The following PAX5 variants were observed in gnomAD, a reference collection of about 807,000 sequenced individuals.
PAX5 encodes paired box protein Pax-5.
In PAX5, 9 loss-of-function variants were observed where a neutral mutation model predicts 43.7. The ratio of observed to expected loss-of-function variants is 0.21; its 90% CI spans 0.12 to 0.36. The LOEUF is 0.36. PAX5 is among the 10% of genes least tolerant of loss of function. The pLI, the probability that PAX5 is intolerant of heterozygous loss-of-function variation, is 1.00. For missense variants in PAX5, 383 were observed against 532.7 expected (o/e 0.72, Z 2.77); for synonymous variants, 228 against 214.3 (o/e 1.06, Z -0.56).
chr9:36,886,128 CTG>C (rs1826887920), intron 7 of PAX5, among the ~76,000 whole-genome samples: 2 of 152,286 alleles, frequency 1.3e-5, no homozygotes, highest in African/African-American at 4.8e-5. Context: ...TGGACCCAAA[CTG>C]TGACTGGAAC....
intron 6 of PAX5, among the ~76,000 whole-genome samples, chr9:36,929,064 G>A (rs1830892575): frequency 6.6e-6 from 1 of 152,182 alleles, no homozygotes; most frequent in East Asian, 1.9e-4. Flanking sequence ...CTGCCACAAT[G>A]ATCTTCCCCT....
intron 5 of PAX5, among the ~76,000 whole-genome samples, chr9:36,983,965 A>T (rs974841601): frequency 1.1e-4 from 16 of 152,372 alleles, no homozygotes; most frequent in Middle Eastern, 6.8e-3. Context: ...TGTGAAATAA[A>T]TGTACTTCCT....
Position 36,929,251 on chromosome 9 carries a change from AAGG to A in PAX5, c.781-5770_781-5768del, listed in dbSNP as rs1563978778. On this transcript the variant is annotated intron_variant, in intron 6 of 9. Transcript: ENST00000358127. ...GGAAGGAAGGAGGAAGGAAGGAAGG[AAGG>A]AAGGAAGGAAGGAAGGAAGGAAGGA... is the stretch of plus-strand genomic sequence containing the variant. Among the ~76,000 whole-genome samples the A allele has an allele frequency of 6.5e-3, 233 of 35,928 alleles. 1 individual carries two copies. Among genetic ancestry groups the A allele is most frequent in the Non-Finnish European group, 0.013 (203 of 15,964 alleles). 23.6% of individuals were successfully genotyped at this position (35,928 alleles called of 152,430 possible). A position where few individuals can be genotyped will look rare whatever the true frequency, so the allele number is the denominator to read the frequency against.
intron 3 of PAX5, among the ~76,000 whole-genome samples, chr9:37,011,863 G>A (rs975067286): frequency 1.3e-5 from 2 of 152,184 alleles, no homozygotes; most frequent in African/African-American, 2.4e-5. Flanking sequence ...TTGCCTCCAA[G>A]GGAGGCAAGG....
chr9:36,927,793 C>T (rs1356755371), intron 6 of PAX5, among the ~76,000 whole-genome samples: 1 of 151,900 alleles, frequency 6.6e-6, no homozygotes, highest in East Asian at 1.9e-4. Context: ...ACTGCAACCT[C>T]CGCCCCCCGG....
At position 36,996,697 on chromosome 9, in the gene PAX5, A is replaced by AG. The variant is rs754655428; in HGVS notation, c.604+5950dup. ...GGACCTGCCCATGTCAGAGGGGCCC[A>AG]GGGCCCCAGCACGGTCTGTGAGCTT... On this transcript the variant is annotated intron_variant, in intron 5 of 9. Transcript: ENST00000358127. Among the ~76,000 whole-genome samples, 527 of 152,352 alleles carry AG rather than the reference A, an allele frequency of 3.5e-3. 9 individuals carry two copies. Among genetic ancestry groups the AG allele is most frequent in the Non-Finnish European group, 1.5e-3 (99 of 68,020 alleles).
rs1340098919 is a variant in PAX5 at position 36,944,174 on chromosome 9, ACG to A, written c.781-20692_781-20691del. Among the ~76,000 whole-genome samples, 9 of 151,956 alleles carry A rather than the reference ACG, an allele frequency of 5.9e-5. No homozygotes were observed. The South Asian group carries it at 1.0e-3, about 17-fold the overall frequency. ...ACTCCAGCCTGGGTGACAAAAAGAG[ACG>A]CTGTCTCAAAAAAATAAAAGCTGAT... is the stretch of plus-strand genomic sequence containing the variant. On this transcript the variant is annotated intron_variant, in intron 6 of 9. Transcript: ENST00000358127.
chr9:37,002,921 G>A (rs1181357041), intron 4 of PAX5, 145 bp from the exon 5 acceptor site: 6 of 980,950 alleles, frequency 6.1e-6, no homozygotes, highest in Middle Eastern at 3.3e-4. Context: ...CTGCGGAGGC[G>A]GCCACACCTG....
intron 5 of PAX5, among the ~76,000 whole-genome samples, chr9:36,979,889 GAAACTGAGGCCCAGAAGGCAAT>G (rs983988122): frequency 2.0e-5 from 3 of 152,160 alleles, no homozygotes; most frequent in African/African-American, 4.8e-5. Flanking sequence ...GTGCAGCTTG[GAAACTGAGGCCCAGAAGGCAAT>G]AAACTGTTGC....
At position 36,833,871 on chromosome 9, in the gene PAX5, A is replaced by AC. The variant is rs1554759613; in HGVS notation, c.*6688_*6689insG. ...TGTTGGTTTTTTTGTATTTTTTTGT[A>AC]TTTTTTTTTTTTTACAAGTAAGCGT... On this transcript the variant is annotated 3_prime_UTR_variant, in exon 10 of 10. Coordinates refer to ENST00000358127, the MANE Select transcript of PAX5 (RefSeq NM_016734.3). 1.7e-4 allele frequency: 38 copies of AC among 217,772 alleles called. No individual in the cohort carries two copies. The highest frequency in any genetic ancestry group is 3.0e-4 in the Non-Finnish European group (33 of 111,164). 13.5% of individuals were successfully genotyped at this position (217,772 alleles called of 1,614,324 possible).
intron 8 of PAX5, among the ~76,000 whole-genome samples, chr9:36,869,910 G>A (rs1214167975): frequency 2.7e-5 from 4 of 146,408 alleles, no homozygotes; most frequent in African/African-American, 7.9e-5. Flanking sequence ...ATGGATGGAT[G>A]GATGGATGGA....
intron 1 of PAX5, among the ~76,000 whole-genome samples, chr9:37,025,402 T>A (rs1419111919): frequency 7.1e-6 from 1 of 141,664 alleles, no homozygotes; most frequent in African/African-American, 2.6e-5. Context: ...CTAGGAAAGC[T>A]GGATCCCAGG....
At chr9:36,844,792 C>T (rs991015816) in intron 9 of PAX5, among the ~76,000 whole-genome samples, 3 of 151,816 alleles carry the variant, frequency 2.0e-5, no homozygotes, top group Non-Finnish European at 2.9e-5. Context: ...TCTCCTCAGA[C>T]CTACACAGTC....
intron 8 of PAX5, among the ~76,000 whole-genome samples, chr9:36,854,427 GTACACACACACA>G (rs1042307202): frequency 1.3e-5 from 2 of 152,242 alleles, no homozygotes; most frequent in African/African-American, 2.4e-5. Context: ...TGTTGGATGT[GTACACACACACA>G]TACACACACA....
chr9:37,008,381 C>T (rs1838645596), intron 3 of PAX5, among the ~76,000 whole-genome samples: 1 of 152,220 alleles, frequency 6.6e-6, no homozygotes, highest in Non-Finnish European at 1.5e-5. Context: ...GCAGCCTGCT[C>T]TTTTCATGCA....
At chr9:36,868,940 G>A (rs913104944) in intron 8 of PAX5, among the ~76,000 whole-genome samples, 2 of 152,212 alleles carry the variant, frequency 1.3e-5, no homozygotes, top group Non-Finnish European at 2.9e-5. Context: ...TGCAGGTTGG[G>A]GGTGGGGAAG....
rs143974502 is a variant in PAX5, at chr9:37,033,017, A to G, written c.46+969T>C. Among the ~76,000 whole-genome samples the G allele has an allele frequency of 7.2e-3, 1,101 of 152,338 alleles. 14 individuals are homozygous for G. Among genetic ancestry groups the G allele is most frequent in the African/African-American group, 0.025 (1,055 of 41,580 alleles). On this transcript the variant is annotated intron_variant, in intron 1 of 9. Coordinates refer to ENST00000358127, the MANE Select transcript of PAX5 (RefSeq NM_016734.3). ...ACACAGTGTGTGTGTGTCTGTGTGTACACACAAATACACACGCCAGTGTCA... is the reference window on the plus strand; with the variant it reads ...ACACAGTGTGTGTGTGTCTGTGTGTGCACACAAATACACACGCCAGTGTCA...
At chr9:36,983,782 A>G (rs1271942320) in intron 5 of PAX5, among the ~76,000 whole-genome samples, 7 of 152,268 alleles carry the variant, frequency 4.6e-5, no homozygotes, top group Non-Finnish European at 8.8e-5. Flanking sequence ...CTGGGGTTAC[A>G]CAATTTAAAA....
intron 1 of PAX5, among the ~76,000 whole-genome samples, chr9:37,027,672 C>G (rs1196423666): frequency 1.3e-5 from 2 of 152,320 alleles, no homozygotes; most frequent in East Asian, 3.9e-4. Flanking sequence ...CGCGCCGCCC[C>G]GGAGCCGCTT....
Sources: gnomAD v4.1 joint callset for allele counts (sites outside exome capture counted in the v4.1 genomes callset) on GRCh38, gnomAD v4.1.1 for gene constraint, MANE v1.5 for transcripts, NCBI Gene and HGNC (gene_info 2026-07-23, HGNC 2026-07-21) for gene names.